The following GRIN3A variants were observed in gnomAD, a reference collection of about 807,000 sequenced individuals.
The protein encoded by GRIN3A is glutamate receptor ionotropic, NMDA 3A.
GRIN3A carries 47 observed loss-of-function variants against 92.4 expected under a neutral mutation model. That is an observed-to-expected ratio of 0.51 (90% CI 0.40 to 0.65). The LOEUF is 0.65. Ranked by LOEUF, GRIN3A falls within the 30% of genes least tolerant of loss-of-function variation. The probability of loss-of-function intolerance (pLI) is 0.00; values close to 1 mark genes in which losing one functional copy is unlikely to be tolerated. For missense variants in GRIN3A, 1,324 were observed against 1,393.1 expected, an observed-to-expected ratio of 0.95 and a Z score of 0.79; for synonymous variants, 527 against 540.6, an observed-to-expected ratio of 0.97 and a Z score of 0.35.
At chr9:101,575,232 C>T (rs1022366631) in intron 8 of GRIN3A, among the ~76,000 whole-genome samples, 2 of 152,168 alleles carry the variant, frequency 1.3e-5, no homozygotes, top group African/African-American at 2.4e-5. Context: ...TTTCTTGTAT[C>T]CTGGGCTGGG....
intron 6 of GRIN3A, among the ~76,000 whole-genome samples, chr9:101,590,042 A>G (rs574702608): frequency 1.2e-4 from 19 of 152,322 alleles, no homozygotes; most frequent in Non-Finnish European, 2.6e-4. Flanking sequence ...AAATATTGGT[A>G]ATTTTTAAAA....
chr9:101,582,483 G>T (rs1054552376), intron 6 of GRIN3A, among the ~76,000 whole-genome samples: 4 of 152,194 alleles, frequency 2.6e-5, no homozygotes, highest in African/African-American at 7.2e-5. Context: ...AAAGGGTTTG[G>T]TAGGGAAGCA....
At chr9:101,669,806 A>G (rs1378180500) in intron 3 of GRIN3A, among the ~76,000 whole-genome samples, 1 of 152,106 alleles carries the variant, frequency 6.6e-6, no homozygotes, top group Non-Finnish European at 1.5e-5. Context: ...AGATGCATTA[A>G]TAGATATTTC....
intron 3 of GRIN3A, among the ~76,000 whole-genome samples, chr9:101,649,940 C>G (rs1043762275): frequency 6.6e-6 from 1 of 151,952 alleles, no homozygotes; most frequent in Non-Finnish European, 1.5e-5. Context: ...GGCTGAACCA[C>G]CTGGAGTGAG....
intron 3 of GRIN3A, among the ~76,000 whole-genome samples, chr9:101,657,369 T>C (rs1037766916): frequency 1.3e-5 from 2 of 152,040 alleles, no homozygotes; most frequent in African/African-American, 2.4e-5. Flanking sequence ...TTAACACTAA[T>C]ACCATATTCC....
chr9:101,577,831 G>T lies in GRIN3A; in HGVS notation c.2945C>A (p.Ala982Glu). The T allele has an allele frequency of 6.2e-7, 1 of 1,611,560 alleles. No homozygotes were observed. The highest frequency in any genetic ancestry group is 8.5e-7 in the Non-Finnish European group (1 of 1,178,658). ...WLHTSQRLHR[A>E]INTSFIEEKQ... The stretch of plus-strand genomic sequence containing the variant: ...TTCCTCTATAAATGATGTATTTATT[G>T]CTCTGTGTAATCTCTGATGGAGAAA... Residue 982 changes from alanine (A) to glutamate (E), a missense_variant, in exon 8 of 9, where the codon GCA becomes GAA. Transcript: ENST00000361820.
intron 1 of GRIN3A, among the ~76,000 whole-genome samples, chr9:101,736,212 T>A (rs556098767): frequency 5.9e-5 from 9 of 152,362 alleles, no homozygotes; most frequent in African/African-American, 1.7e-4. Flanking sequence ...TGACCAATGT[T>A]GATCAAGTCC....
chr9:101,666,192 G>T (rs1167455209), intron 3 of GRIN3A, among the ~76,000 whole-genome samples: 2 of 151,766 alleles, frequency 1.3e-5, no homozygotes, highest in Non-Finnish European at 2.9e-5. Context: ...CTCCCCTGGG[G>T]ATCGCATACT....
chr9:101,590,239 G>C (rs1364900569), intron 6 of GRIN3A, among the ~76,000 whole-genome samples: 1 of 152,086 alleles, frequency 6.6e-6, no homozygotes, highest in Non-Finnish European at 1.5e-5. Flanking sequence ...ATGATTTATA[G>C]TTCACAGTCA....
intron 3 of GRIN3A, among the ~76,000 whole-genome samples, chr9:101,659,770 A>G (rs1185733431): frequency 1.3e-5 from 2 of 151,854 alleles, no homozygotes; most frequent in African/African-American, 4.8e-5. Context: ...CAAACTCAGC[A>G]CGGTATCTAA....
At chr9:101,592,604 G>C (rs1828046072) in intron 6 of GRIN3A, 1 of 152,198 alleles carries the variant, frequency 6.6e-6, no homozygotes, top group African/African-American at 2.4e-5. Context: ...CCACAGGGTT[G>C]GGAGCGTTTA....
At chr9:101,697,544 C>T (rs1829699345) in intron 1 of GRIN3A, among the ~76,000 whole-genome samples, 1 of 152,182 alleles carries the variant, frequency 6.6e-6, no homozygotes. Context: ...TGGTTGGCTA[C>T]TTTTCAAATA....
chr9:101,590,381 TTTATTTATTTA>T (rs1328304170), intron 6 of GRIN3A, among the ~76,000 whole-genome samples: 22 of 139,728 alleles, frequency 1.6e-4, no homozygotes, highest in Admixed American at 4.9e-4. Flanking sequence ...TATTTATTTA[TTTATTTATTTA>T]TTTTTTTGAG....
At chr9:101,681,300 ATACTGTAT>A (rs1365529380) in intron 2 of GRIN3A, among the ~76,000 whole-genome samples, 2 of 152,248 alleles carry the variant, frequency 1.3e-5, no homozygotes, top group East Asian at 3.8e-4. Context: ...CAAAGCTTTT[ATACTGTAT>A]TACTTTATTT....
At chr9:101,610,666 T>C (rs1186537823) in intron 6 of GRIN3A, among the ~76,000 whole-genome samples, 2 of 152,158 alleles carry the variant, frequency 1.3e-5, no homozygotes, top group Non-Finnish European at 2.9e-5. Context: ...TCTAGATGTC[T>C]ATCATCTATC....
intron 6 of GRIN3A, among the ~76,000 whole-genome samples, chr9:101,580,602 A>G (rs1325440156): frequency 2.6e-5 from 4 of 152,218 alleles, no homozygotes; most frequent in Non-Finnish European, 5.9e-5. Context: ...TTTACAGAGG[A>G]GGAAAGTGAG....
intron 6 of GRIN3A, among the ~76,000 whole-genome samples, chr9:101,612,636 A>G (rs532203721): frequency 6.6e-6 from 1 of 152,152 alleles, no homozygotes; most frequent in African/African-American, 2.4e-5. Context: ...TTGTTCAGGT[A>G]TATTTGGCTC....
intron 1 of GRIN3A, among the ~76,000 whole-genome samples, chr9:101,735,050 A>G (rs1458096327): frequency 1.3e-5 from 2 of 151,948 alleles, no homozygotes; most frequent in East Asian, 3.8e-4. Context: ...TATTGTTTTC[A>G]CTGAAAGCAG....
chr9:101,717,581 TC>T (rs1829963166), intron 1 of GRIN3A, among the ~76,000 whole-genome samples: 1 of 152,222 alleles, frequency 6.6e-6, no homozygotes, highest in African/African-American at 2.4e-5. Context: ...TTGTCTGATT[TC>T]CCGATACTTT....
Sources: allele counts gnomAD v4.1 joint callset (sites outside exome capture counted in the v4.1 genomes callset), GRCh38; gene constraint gnomAD v4.1.1; transcripts MANE v1.5; gene names NCBI Gene and HGNC (gene_info 2026-07-23, HGNC 2026-07-21).